Variants in ZFPM1 observed in about 807,000 individuals in gnomAD.
The protein encoded by ZFPM1 is zinc finger protein, FOG family member 1.
In ZFPM1, 28 loss-of-function variants were observed where a neutral mutation model predicts 46.3. That is an observed-to-expected ratio of 0.60 (90% confidence interval 0.45 to 0.83). The LOEUF (loss-of-function observed/expected upper bound fraction) is 0.83, where lower values mean the gene tolerates loss of function less well. Ranked by LOEUF, ZFPM1 falls within the 40% of genes least tolerant of loss-of-function variation. ZFPM1 has a pLI of 0.00. For missense variants in ZFPM1, 1,878 were observed against 1,432.4 expected (o/e 1.31, Z -5.02); for synonymous variants, 957 against 675.9 (o/e 1.42, Z -6.45).
chr16:88,515,565 G>A (rs533415205), intron 4 of ZFPM1, among the ~76,000 whole-genome samples: 1 of 152,192 alleles, frequency 6.6e-6, no homozygotes, highest in Non-Finnish European at 1.5e-5. Context: ...GGGCACCCCT[G>A]TCTGCCAGGG....
At chr16:88,526,626 G>A (rs1037628174) in intron 4 of ZFPM1, among the ~76,000 whole-genome samples, 188 bp from the exon 5 acceptor site, 25 of 152,198 alleles carry the variant, frequency 1.6e-4, no homozygotes, top group South Asian at 2.1e-4. Context: ...TAGCCCCACC[G>A]GTCAACTATG....
chr16:88,481,977 G>A (rs1908967013), intron 1 of ZFPM1, among the ~76,000 whole-genome samples: 1 of 152,346 alleles, frequency 6.6e-6, no homozygotes, highest in South Asian at 2.1e-4. Flanking sequence ...TGAAGTGGGA[G>A]CTGCTGTGGC....
rs1050727892 is a variant in ZFPM1, at chr16:88,480,188, T to G, written c.41-5751T>G. Among the ~76,000 whole-genome samples the G allele has an allele frequency of 6.6e-6, 1 of 151,952 alleles. No individual in the cohort carries two copies. The highest frequency in any genetic ancestry group is 1.5e-5 in the Non-Finnish European group (1 of 67,990). On this transcript the variant is annotated intron_variant, in intron 1 of 9. Transcript: ENST00000319555. This position sits in a 1 kb window ranked among gnomAD's most constrained non-coding sequence, Gnocchi z 4.9. ...AGCCTCCTCCTCTCCCCATCCAGAT[T>G]GCCACCCACTTGCTACTTCCTCCAG...
chr16:88,496,789 A>AG, intron 3 of ZFPM1, among the ~76,000 whole-genome samples: 1 of 152,054 alleles, frequency 6.6e-6, no homozygotes, highest in South Asian at 2.1e-4. Context: ...GTTTCCTGTG[A>AG]GGGGGGCTCT....
At chr16:88,495,369 C>T (rs1909877340) in intron 3 of ZFPM1, among the ~76,000 whole-genome samples, 1 of 152,244 alleles carries the variant, frequency 6.6e-6, no homozygotes, top group Non-Finnish European at 1.5e-5. Context: ...CTCTGTGAGG[C>T]TGGGCAGAAC....
rs571824645 is a variant in ZFPM1 at position 88,506,794 on chromosome 16, C to A, written c.269-7593C>A. ...GACCCAGGAGGAGGCAGGGTGGGAGCCCTCATCAGGCCCCCAGAAGCCAGG... is the reference window on the plus strand; with the variant it reads ...GACCCAGGAGGAGGCAGGGTGGGAGACCTCATCAGGCCCCCAGAAGCCAGG... On this transcript the variant is annotated intron_variant, in intron 3 of 9. Coordinates refer to ENST00000319555, the MANE Select transcript of ZFPM1 (RefSeq NM_153813.3). 9.2e-5 allele frequency among the ~76,000 whole-genome samples: 14 copies of A among 152,310 alleles called. No homozygotes were observed. The South Asian group carries it at 2.9e-3, about 32-fold the overall frequency.
At chr16:88,531,880 T>G in intron 6 of ZFPM1, 122 bp from the exon 7 acceptor site, 3 of 937,768 alleles carry the variant, frequency 3.2e-6, no homozygotes, top group Non-Finnish European at 4.8e-6. Flanking sequence ...GGTCAAAGCC[T>G]CAGCTCCTGG....
chr16:88,468,683 C>A (rs564153172), intron 1 of ZFPM1, among the ~76,000 whole-genome samples: 9 of 152,200 alleles, frequency 5.9e-5, no homozygotes, highest in Non-Finnish European at 1.2e-4. Context: ...CCCAGGGCCC[C>A]GCCCCCCAGA....
intron 3 of ZFPM1, among the ~76,000 whole-genome samples, chr16:88,509,719 C>T (rs1264082563): frequency 6.6e-6 from 1 of 152,120 alleles, no homozygotes; most frequent in East Asian, 1.9e-4. Flanking sequence ...GGCAGAAGAC[C>T]CTGGGTGTAG....
chr16:88,493,996 C>G (rs1271732084), intron 3 of ZFPM1, among the ~76,000 whole-genome samples: 1 of 152,182 alleles, frequency 6.6e-6, no homozygotes, highest in African/African-American at 2.4e-5. Context: ...CTGACCCCTC[C>G]AGGCCTCAGT....
intron 1 of ZFPM1, among the ~76,000 whole-genome samples, chr16:88,454,583 GC>G (rs1907451755): frequency 2.0e-5 from 3 of 152,224 alleles, no homozygotes; most frequent in South Asian, 2.1e-4. Flanking sequence ...AGAGGCTGCT[GC>G]CCCGCCGCCA....
At chr16:88,487,391 G>A (rs542686757) in intron 2 of ZFPM1, among the ~76,000 whole-genome samples, 5 of 152,354 alleles carry the variant, frequency 3.3e-5, no homozygotes, top group Non-Finnish European at 7.3e-5. Context: ...AGGGGATGTG[G>A]CCATACCCGG....
intron 1 of ZFPM1, among the ~76,000 whole-genome samples, chr16:88,458,603 C>G (rs1284022795): frequency 6.6e-6 from 1 of 152,224 alleles, no homozygotes; most frequent in African/African-American, 2.4e-5. Context: ...TATCTGCCAT[C>G]GACAGCCTCC....
Position 88,533,614 on chromosome 16 carries a change from C to A in ZFPM1, c.1656C>A (p.Ser552Arg). The part of the protein sequence containing the change: ...ILAKMSELVH[S>R]RLQQGAGAGA... Reference sequence around the variant, plus strand: ...CCAAGATGTCCGAGCTGGTGCACAGCCGGCTGCAGCAGGGCGCGGGCGCGG... The same window carrying A: ...CCAAGATGTCCGAGCTGGTGCACAGACGGCTGCAGCAGGGCGCGGGCGCGG... Residue 552 changes from serine to arginine, a missense_variant, in exon 10 of 10, where the codon AGC becomes AGA. Ser to Arg is a moderately radical substitution (Grantham distance 110). Coordinates refer to ENST00000319555, the MANE Select transcript of ZFPM1 (RefSeq NM_153813.3). 1 of 1,479,758 alleles carries A rather than the reference C, an allele frequency of 6.8e-7. No individual in the cohort carries two copies. The highest frequency in any genetic ancestry group is 9.0e-7 in the Non-Finnish European group (1 of 1,114,748). The allele number at this position is 1,479,758 out of a possible 1,614,324, so 91.7% of individuals were successfully genotyped here. A position where few individuals can be genotyped will look rare whatever the true frequency, so the allele number is the denominator to read the frequency against.
At chr16:88,487,992 T>C (rs868211468) in intron 2 of ZFPM1, among the ~76,000 whole-genome samples, 2 of 152,254 alleles carry the variant, frequency 1.3e-5, no homozygotes, top group Admixed American at 1.3e-4. Flanking sequence ...GCCAGAGCTC[T>C]CCCTGGCCAG....
rs1297690873 is a variant in ZFPM1 at position 88,528,207 on chromosome 16, G to A, written c.681G>A (p.Met227Ile). 2 of 1,610,174 alleles carry A rather than the reference G, an allele frequency of 1.2e-6. No homozygotes were observed. Among genetic ancestry groups the A allele is most frequent in the Non-Finnish European group, 1.7e-6 (2 of 1,179,340 alleles). Residue 227 changes from methionine to isoleucine, a missense_variant, in exon 6 of 10, where the codon ATG becomes ATA. By Grantham distance (10) the Met-to-Ile change is conservative (BLOSUM62 1). Coordinates refer to ENST00000319555, the MANE Select transcript of ZFPM1 (RefSeq NM_153813.3). ...DLQLLPQQAG[M>I]ASILATAVIN... is the part of the protein sequence containing the mutation. Reference sequence around the variant, plus strand: ...AGCTCCTGCCCCAGCAGGCCGGGATGGCCTCCATCCTTGCCACCGCAGTGA... The same window carrying A: ...AGCTCCTGCCCCAGCAGGCCGGGATAGCCTCCATCCTTGCCACCGCAGTGA...
intron 1 of ZFPM1, among the ~76,000 whole-genome samples, chr16:88,457,964 A>C (rs906540522): frequency 6.6e-6 from 1 of 152,182 alleles, no homozygotes; most frequent in Non-Finnish European, 1.5e-5. Flanking sequence ...CAGACAGCTC[A>C]TGATCATTTG....
intron 1 of ZFPM1, among the ~76,000 whole-genome samples, chr16:88,477,717 C>A (rs1368656145): frequency 7.2e-5 from 11 of 152,366 alleles, no homozygotes; most frequent in South Asian, 2.1e-4. Flanking sequence ...AAAAGAAAAG[C>A]AAAACCAAGA....
At chr16:88,453,753 G>A in intron 1 of ZFPM1, 75 bp downstream of exon 1, 1 of 924,894 alleles carries the variant, frequency 1.1e-6, no homozygotes, top group Non-Finnish European at 1.3e-6. Flanking sequence ...CGCCGCCCCC[G>A]CCCGTCCCCG....
Sources: allele counts gnomAD v4.1 joint callset (sites outside exome capture counted in the v4.1 genomes callset), GRCh38; gene constraint gnomAD v4.1.1; non-coding constraint Gnocchi (gnomAD v3.1); transcripts MANE v1.5; gene names NCBI Gene and HGNC (gene_info 2026-07-23, HGNC 2026-07-21).